Variants in KCTD16 observed in about 807,000 individuals in gnomAD.
KCTD16 encodes the protein potassium channel tetramerization domain containing 16.
KCTD16 carries 13 observed loss-of-function variants against 33.2 expected under a neutral mutation model. The observed-to-expected ratio is 0.39, with a 90% confidence interval of 0.25 to 0.62. The LOEUF is 0.62. Ranked by LOEUF, KCTD16 falls within the 20% of genes least tolerant of loss-of-function variation. The pLI is 0.50. For missense variants in KCTD16, 441 were observed against 525.1 expected (o/e 0.84, Z 1.57); for synonymous variants, 197 against 195.3 (o/e 1.01, Z -0.07).
chr5:144,253,308 G>A (rs1472172592), intron 3 of KCTD16, among the ~76,000 whole-genome samples: 1 of 152,032 alleles, frequency 6.6e-6, no homozygotes, highest in Non-Finnish European at 1.5e-5. Context: ...ATTGGAATCT[G>A]GGCTTCCATA....
intron 3 of KCTD16, among the ~76,000 whole-genome samples, chr5:144,465,450 C>T (rs906797059): frequency 6.6e-6 from 1 of 152,030 alleles, no homozygotes; most frequent in Non-Finnish European, 1.5e-5. Flanking sequence ...AACTGTATAC[C>T]TGACACCCTT....
intron 3 of KCTD16, among the ~76,000 whole-genome samples, chr5:144,427,778 A>T (rs1753364934): frequency 6.6e-6 from 1 of 152,164 alleles, no homozygotes; most frequent in African/African-American, 2.4e-5. Flanking sequence ...GCTAAGATAT[A>T]GCTCCAGTGG....
At chr5:144,399,933 A>G (rs1752665654) in intron 3 of KCTD16, among the ~76,000 whole-genome samples, 1 of 152,078 alleles carries the variant, frequency 6.6e-6, no homozygotes, top group Admixed American at 6.6e-5. Context: ...TTAAATCCTC[A>G]ATTGTTTCAG....
At chr5:144,394,029 A>G (rs1010843000) in intron 3 of KCTD16, among the ~76,000 whole-genome samples, 1 of 145,834 alleles carries the variant, frequency 6.9e-6, no homozygotes, top group African/African-American at 2.6e-5. Context: ...GAACCCAAAT[A>G]AGCCTCTCTC....
At chr5:144,454,503 T>G (rs1477099131) in intron 3 of KCTD16, among the ~76,000 whole-genome samples, 1 of 150,744 alleles carries the variant, frequency 6.6e-6, no homozygotes, top group Non-Finnish European at 1.5e-5. Flanking sequence ...ATTGGCCACA[T>G]TTCTGGAATT....
chr5:144,291,870 A>C (rs950479886), intron 3 of KCTD16, among the ~76,000 whole-genome samples: 2 of 152,202 alleles, frequency 1.3e-5, no homozygotes, highest in African/African-American at 2.4e-5. Context: ...CATCAACATA[A>C]ATGACAAATA....
chr5:144,262,141 A>G (rs945881110), intron 3 of KCTD16, among the ~76,000 whole-genome samples: 23 of 152,326 alleles, frequency 1.5e-4, no homozygotes, highest in African/African-American at 5.5e-4. Context: ...GTAAGAATTA[A>G]TGGATCGGGG....
intron 3 of KCTD16, among the ~76,000 whole-genome samples, chr5:144,346,840 TGCAGAA>T (rs908053337): frequency 2.4e-4 from 36 of 152,310 alleles, no homozygotes; most frequent in African/African-American, 7.2e-4. Flanking sequence ...TCCTTTGTTG[TGCAGAA>T]GCGTTTTAAC....
intron 3 of KCTD16, among the ~76,000 whole-genome samples, chr5:144,397,049 A>T (rs1458974215): frequency 1.3e-5 from 2 of 149,602 alleles, no homozygotes; most frequent in Admixed American, 6.7e-5. Context: ...CATTAGGTAT[A>T]TCTCCTAATG....
intron 3 of KCTD16, among the ~76,000 whole-genome samples, chr5:144,439,868 CAA>C (rs1753663088): frequency 6.6e-6 from 1 of 150,906 alleles, no homozygotes; most frequent in Admixed American, 6.6e-5. Flanking sequence ...ATTTATGATT[CAA>C]TATATTGGAA....
At chr5:144,337,471 A>T (rs1343441061) in intron 3 of KCTD16, among the ~76,000 whole-genome samples, 2 of 152,146 alleles carry the variant, frequency 1.3e-5, no homozygotes, top group Admixed American at 1.3e-4. Context: ...CTTAATTTGA[A>T]ATTTTATGAT....
At chr5:144,319,483 T>C (rs1752018396) in intron 3 of KCTD16, among the ~76,000 whole-genome samples, 1 of 152,228 alleles carries the variant, frequency 6.6e-6, no homozygotes, top group Non-Finnish European at 1.5e-5. Flanking sequence ...CTCAATTAAC[T>C]CTGCTGTGAT....
chr5:144,409,003 ATCTT>A (rs1752874814), intron 3 of KCTD16, among the ~76,000 whole-genome samples: 1 of 152,164 alleles, frequency 6.6e-6, no homozygotes, highest in Non-Finnish European at 1.5e-5. Flanking sequence ...TCTATTGTCT[ATCTT>A]CCCTCATGAG....
intron 3 of KCTD16, among the ~76,000 whole-genome samples, chr5:144,456,188 C>T (rs1297752614): frequency 7.2e-6 from 1 of 138,942 alleles, no homozygotes; most frequent in African/African-American, 2.9e-5. Context: ...TATATATTTT[C>T]TGTCTCCCCT....
chr5:144,314,787 C>T (rs1208017932), intron 3 of KCTD16, among the ~76,000 whole-genome samples: 3 of 152,156 alleles, frequency 2.0e-5, no homozygotes, highest in Admixed American at 6.5e-5. Context: ...CACGCATACA[C>T]GAAATGGAAA....
chr5:144,238,839 C>T (rs1054774705), intron 3 of KCTD16, among the ~76,000 whole-genome samples: 2 of 152,100 alleles, frequency 1.3e-5, no homozygotes, highest in Non-Finnish European at 2.9e-5. Context: ...GCTTATTGAG[C>T]GCATCCTTAT....
intron 3 of KCTD16, among the ~76,000 whole-genome samples, chr5:144,300,975 G>C (rs958455310): frequency 6.6e-6 from 1 of 152,110 alleles, no homozygotes; most frequent in Admixed American, 6.6e-5. Flanking sequence ...CGGCACAGTG[G>C]CTTACTCCTG....
At chr5:144,171,433 A>G (rs1402697878) in intron 1 of KCTD16, among the ~76,000 whole-genome samples, 1 of 152,200 alleles carries the variant, frequency 6.6e-6, no homozygotes, top group African/African-American at 2.4e-5. Context: ...GTCTGAGGAA[A>G]GATGAAAATC....
At chr5:144,358,038 C>G (rs1026554920) in intron 3 of KCTD16, among the ~76,000 whole-genome samples, 1 of 151,030 alleles carries the variant, frequency 6.6e-6, no homozygotes, top group Non-Finnish European at 1.5e-5. Context: ...TTCCTCTTCT[C>G]TCAGCCTCTA....
Sources: allele counts gnomAD v4.1 joint callset (sites outside exome capture counted in the v4.1 genomes callset), GRCh38; gene constraint gnomAD v4.1.1; transcripts MANE v1.5; gene names NCBI Gene and HGNC (gene_info 2026-07-23, HGNC 2026-07-21).